The following IPCEF1 variants were observed in gnomAD, a reference collection of about 807,000 sequenced individuals.
IPCEF1 encodes the protein interaction protein for cytohesin exchange factors 1.
A neutral mutation model predicts 50.9 loss-of-function variants in IPCEF1; 31 were observed. The observed-to-expected ratio is 0.61, with a 90% CI of 0.46 to 0.82. The LOEUF (loss-of-function observed/expected upper bound fraction) is 0.82, where lower values mean the gene tolerates loss of function less well. Among genes scored for constraint, IPCEF1 ranks in the 40% least tolerant of loss-of-function variants. The probability of loss-of-function intolerance (pLI) is 0.00; values close to 1 mark genes in which losing one functional copy is unlikely to be tolerated. For missense variants in IPCEF1, 458 were observed against 514.0 expected, an observed-to-expected ratio of 0.89 and a Z score of 1.05; for synonymous variants, 181 against 192.0, an observed-to-expected ratio of 0.94 and a Z score of 0.47.
rs1259494721 is a variant in IPCEF1 at position 154,276,226 on chromosome 6, G to GGAAA, written c.-17-10266_-17-10263dup. Among the ~76,000 whole-genome samples, 7 of 141,320 alleles carry GGAAA rather than the reference G, an allele frequency of 5.0e-5. No individual in the cohort carries two copies. The South Asian group carries it at 1.7e-3, about 34-fold the overall frequency. 92.7% of individuals were successfully genotyped at this position (141,320 alleles called of 152,430 possible). ...GAGAAAAAGAGAGAGAGAGAGAAAA[G>GGAAA]GAAAGAAAGAAAGAGAAAAGGTGGG... On this transcript the variant is annotated intron_variant, in intron 2 of 11. Transcript: ENST00000367220.
In IPCEF1 at chr6:154,266,362, G is replaced by A. The variant is rs576232112; in HGVS notation, c.-17-398C>T. ...ATGGCACCACTGCACTCCAGCCTAAGTGACAGAACAAGATCCTGTCTCTTA... is the reference window on the plus strand; with the variant it reads ...ATGGCACCACTGCACTCCAGCCTAAATGACAGAACAAGATCCTGTCTCTTA... On this transcript the variant is annotated intron_variant, in intron 2 of 11. Coordinates refer to ENST00000367220, the MANE Select transcript of IPCEF1 (RefSeq NM_001130700.2). Among the ~76,000 whole-genome samples, 19 of 152,008 alleles carry A rather than the reference G, an allele frequency of 1.2e-4. No homozygotes were observed. The East Asian group carries it at 3.7e-3, about 29-fold the overall frequency.
At chr6:154,170,823 C>T (rs993232964) in intron 10 of IPCEF1, among the ~76,000 whole-genome samples, 1 of 152,124 alleles carries the variant, frequency 6.6e-6, no homozygotes, top group African/African-American at 2.4e-5. Context: ...TAAATTGGAA[C>T]CCTCATACAT....
At chr6:154,351,907 TCA>T (rs1341358432) in intron 1 of IPCEF1, among the ~76,000 whole-genome samples, 1 of 152,230 alleles carries the variant, frequency 6.6e-6, no homozygotes, top group African/African-American at 2.4e-5. Context: ...CCGCATGTTC[TCA>T]CTTACAAGTG....
At position 154,253,229 on chromosome 6, in the gene IPCEF1, G is replaced by A. The variant is rs771137724; in HGVS notation, c.37-5741C>T. Among the ~76,000 whole-genome samples the A allele has an allele frequency of 1.1e-4, 17 of 151,748 alleles. No homozygotes were observed. The East Asian group carries it at 2.9e-3, about 26-fold the overall frequency. On this transcript the variant is annotated intron_variant, in intron 3 of 11. Coordinates refer to ENST00000367220, the MANE Select transcript of IPCEF1 (RefSeq NM_001130700.2). ...TGTTGTTTTCTCCTTGTAGAGACAG[G>A]GTCTCGCTCTGTTTCCCAGGCTGGT...
chr6:154,315,491 G>T (rs1201696459), intron 1 of IPCEF1, among the ~76,000 whole-genome samples: 4 of 152,172 alleles, frequency 2.6e-5, no homozygotes, highest in Admixed American at 2.6e-4. Context: ...TCAGTGTCAA[G>T]ATCCTTATTT....
intron 1 of IPCEF1, among the ~76,000 whole-genome samples, chr6:154,337,396 G>A (rs1584003018): frequency 6.6e-6 from 1 of 152,166 alleles, no homozygotes; most frequent in East Asian, 1.9e-4. Context: ...GCCTTTCCAT[G>A]GAAATGTCTG....
intron 2 of IPCEF1, among the ~76,000 whole-genome samples, chr6:154,276,271 GAAAA>G (rs1183353924): frequency 6.8e-5 from 6 of 88,844 alleles, no homozygotes; most frequent in African/African-American, 1.6e-4. Flanking sequence ...GGAAGAAAGA[GAAAA>G]AAGAAAAGAA....
At chr6:154,255,366 A>G (rs1781435913) in intron 3 of IPCEF1, among the ~76,000 whole-genome samples, 1 of 152,166 alleles carries the variant, frequency 6.6e-6, no homozygotes, top group Non-Finnish European at 1.5e-5. Flanking sequence ...TATTTTGATC[A>G]TTGGTCTTCT....
chr6:154,356,232 C>A (rs775730776), intron 1 of IPCEF1, among the ~76,000 whole-genome samples: 1 of 152,166 alleles, frequency 6.6e-6, no homozygotes, highest in Non-Finnish European at 1.5e-5. Flanking sequence ...AGCCTGAGAC[C>A]TTTATCAAAG....
intron 5 of IPCEF1, among the ~76,000 whole-genome samples, chr6:154,229,465 T>C (rs1779548466): frequency 6.7e-6 from 1 of 148,904 alleles, no homozygotes; most frequent in Non-Finnish European, 1.5e-5. Context: ...TTCTCCCGCC[T>C]CAGCCTCCCG....
At chr6:154,314,669 A>C (rs1037494045) in intron 1 of IPCEF1, among the ~76,000 whole-genome samples, 1 of 152,174 alleles carries the variant, frequency 6.6e-6, no homozygotes, top group African/African-American at 2.4e-5. Flanking sequence ...CATCTCCCCA[A>C]TTGATCTCAA....
intron 2 of IPCEF1, among the ~76,000 whole-genome samples, chr6:154,286,463 G>T (rs912928305): frequency 9.2e-5 from 14 of 152,196 alleles, no homozygotes; most frequent in African/African-American, 2.9e-4. Context: ...GACGAAAATT[G>T]TTAACATGCT....
intron 2 of IPCEF1, among the ~76,000 whole-genome samples, chr6:154,282,542 G>A (rs1782248133): frequency 6.6e-6 from 1 of 151,722 alleles, no homozygotes; most frequent in Admixed American, 6.6e-5. Flanking sequence ...AAAAAATTAG[G>A]CGGGCACGGT....
chr6:154,246,026 C>T (rs1244890789), intron 5 of IPCEF1, among the ~76,000 whole-genome samples: 1 of 152,140 alleles, frequency 6.6e-6, no homozygotes, highest in African/African-American at 2.4e-5. Flanking sequence ...TCACAGAGCA[C>T]ACCAGGGGAC....
intron 1 of IPCEF1, among the ~76,000 whole-genome samples, chr6:154,312,293 G>A (rs1298357333): frequency 6.6e-6 from 1 of 152,158 alleles, no homozygotes; most frequent in African/African-American, 2.4e-5. Context: ...GAGTATAATG[G>A]TGGTTGTCAG....
chr6:154,244,475 T>A (rs1213661173), intron 5 of IPCEF1, among the ~76,000 whole-genome samples: 2 of 152,210 alleles, frequency 1.3e-5, no homozygotes, highest in Non-Finnish European at 2.9e-5. Flanking sequence ...AATCTAACTG[T>A]ATTCAAGTAC....
At chr6:154,201,067 T>C (rs1325213109) in intron 9 of IPCEF1, among the ~76,000 whole-genome samples, 3 of 152,208 alleles carry the variant, frequency 2.0e-5, no homozygotes, top group Admixed American at 6.5e-5. Flanking sequence ...CACTCACTCT[T>C]TCTGCTGCCA....
chr6:154,260,576 G>T (rs12526590), intron 3 of IPCEF1, among the ~76,000 whole-genome samples: 2 of 151,294 alleles, frequency 1.3e-5, no homozygotes, highest in East Asian at 3.9e-4. Context: ...GAGTTCAAGT[G>T]ATTCTCCTGC....
At chr6:154,165,655 A>C (rs770836073) in intron 11 of IPCEF1, among the ~76,000 whole-genome samples, 2 of 152,210 alleles carry the variant, frequency 1.3e-5, no homozygotes, top group East Asian at 3.9e-4. Flanking sequence ...CGGGCCCCCA[A>C]TCTTCTCTGC....
Sources: allele counts gnomAD v4.1 joint callset (sites outside exome capture counted in the v4.1 genomes callset), GRCh38; gene constraint gnomAD v4.1.1; transcripts MANE v1.5; gene names NCBI Gene and HGNC (gene_info 2026-07-23, HGNC 2026-07-21).